Variants in CTNNA3 observed in about 807,000 individuals in gnomAD.
CTNNA3 encodes catenin alpha 3, also known as catenin alpha-3.
CTNNA3 carries 76 observed loss-of-function variants against 95.7 expected under a neutral mutation model. That is an observed-to-expected ratio of 0.79 (90% CI 0.66 to 0.96). CTNNA3 has a LOEUF of 0.96. Among genes scored for constraint, CTNNA3 ranks in the 40% least tolerant of loss-of-function variants. The probability of loss-of-function intolerance (pLI) is 0.00; values close to 1 mark genes in which losing one functional copy is unlikely to be tolerated. For synonymous variants in CTNNA3, 431 were observed against 374.4 expected (o/e 1.15, Z -1.74); for missense variants, 1,191 against 1,089.8 (o/e 1.09, Z -1.31).
chr10:67,735,127 G>GCGCACA (rs1554880032), intron 1 of CTNNA3, among the ~76,000 whole-genome samples: 2 of 108,356 alleles, frequency 1.8e-5, no homozygotes, highest in African/African-American at 9.5e-5. Context: ...CAGCAAGTGA[G>GCGCACA]CACACACACA....
intron 11 of CTNNA3, among the ~76,000 whole-genome samples, chr10:66,508,210 G>GTTTTTTTTTTTTTTTTTT (rs756807793): frequency 1.3e-4 from 14 of 108,416 alleles, no homozygotes; most frequent in African/African-American, 5.0e-4. Context: ...TTTGTTTTCT[G>GTTTTTTTTTTTTTTTTTT]TTTTTTTTTT....
rs568524637 is a variant in CTNNA3, at chr10:67,168,696, C to A, written c.1047+11621G>T. ...CATTATACTGAAAGGGCAAAAGCTG[C>A]AAGCATTCCCCCTTGAAAACTGGCA... On this transcript the variant is annotated intron_variant, in intron 7 of 17. Transcript: ENST00000433211. Among the ~76,000 whole-genome samples, 4 of 152,288 alleles carry A rather than the reference C, an allele frequency of 2.6e-5. No homozygotes were observed. The South Asian group carries it at 8.3e-4, about 32-fold the overall frequency.
At chr10:66,690,255 A>G (rs906592386) in intron 9 of CTNNA3, among the ~76,000 whole-genome samples, 3 of 152,146 alleles carry the variant, frequency 2.0e-5, no homozygotes, top group African/African-American at 7.2e-5. Flanking sequence ...ATTCTAATAT[A>G]ATTTTATTTA....
intron 7 of CTNNA3, among the ~76,000 whole-genome samples, chr10:66,961,361 C>T (rs1190260547): frequency 1.3e-5 from 2 of 152,274 alleles, no homozygotes; most frequent in East Asian, 1.9e-4. Flanking sequence ...AAAGTCAGTT[C>T]TCCATCCTCC....
intron 15 of CTNNA3, among the ~76,000 whole-genome samples, chr10:66,014,770 G>A (rs532539825): frequency 5.3e-4 from 80 of 152,228 alleles, no homozygotes; most frequent in African/African-American, 1.9e-3. Flanking sequence ...TTGGCTAGGG[G>A]CTACTGCATG....
intron 5 of CTNNA3, chr10:67,346,745 T>C: frequency 4.0e-6 from 2 of 504,418 alleles, no homozygotes; most frequent in Non-Finnish European, 7.9e-6. Flanking sequence ...CTATCTAATG[T>C]CAGGTCTCCT....
chr10:66,389,230 A>G (rs2092917100), intron 11 of CTNNA3, among the ~76,000 whole-genome samples: 1 of 152,160 alleles, frequency 6.6e-6, no homozygotes, highest in East Asian at 1.9e-4. Context: ...TTTCTGAAGT[A>G]GATGCACTTG....
At chr10:66,548,733 G>T (rs1282749571) in intron 10 of CTNNA3, among the ~76,000 whole-genome samples, 2 of 151,936 alleles carry the variant, frequency 1.3e-5, no homozygotes, top group Non-Finnish European at 2.9e-5. Flanking sequence ...TACAACAATT[G>T]ATTTTTGAGT....
chr10:66,464,181 G>C (rs1838801869), intron 11 of CTNNA3, among the ~76,000 whole-genome samples: 1 of 152,010 alleles, frequency 6.6e-6, no homozygotes, highest in South Asian at 2.1e-4. Context: ...TTTTTCCAAT[G>C]AACATGTATT....
intron 11 of CTNNA3, among the ~76,000 whole-genome samples, chr10:66,387,347 CTCG>C (rs1259053623): frequency 1.3e-5 from 2 of 152,110 alleles, no homozygotes; most frequent in Non-Finnish European, 2.9e-5. Context: ...TGAAAAAATG[CTCG>C]TCATTACTGG....
rs1848488768 is a variant in CTNNA3 at position 66,950,541 on chromosome 10, A to G, written c.1048-175017T>C. Among the ~76,000 whole-genome samples, 6 of 152,050 alleles carry G rather than the reference A, an allele frequency of 3.9e-5. No individual in the cohort carries two copies. In the South Asian group the frequency reaches 1.2e-3, roughly 31 times the overall value. ...CCCTATCTTTGTCAAAATATGTATG[A>G]TATTTGAGATTTAGTTCATATCATA... On this transcript the variant is annotated intron_variant, in intron 7 of 17. Transcript: ENST00000433211.
chr10:66,129,208 G>A (rs1432273143), intron 13 of CTNNA3, among the ~76,000 whole-genome samples: 2 of 152,316 alleles, frequency 1.3e-5, no homozygotes, highest in South Asian at 2.1e-4. Context: ...AGGTTGCAGT[G>A]AGCCGAGATT....
At chr10:67,296,258 C>A (rs1468693734) in intron 5 of CTNNA3, among the ~76,000 whole-genome samples, 2 of 152,160 alleles carry the variant, frequency 1.3e-5, no homozygotes, top group African/African-American at 4.8e-5. Flanking sequence ...AGTACAGCAT[C>A]ATAGCCTAAC....
chr10:66,698,444 G>A (rs1408378659), intron 9 of CTNNA3, among the ~76,000 whole-genome samples: 2 of 152,044 alleles, frequency 1.3e-5, no homozygotes, highest in Non-Finnish European at 2.9e-5. Flanking sequence ...ATACCTGCAG[G>A]TGGTATCAGA....
At chr10:67,668,915 T>G (rs2133545838) in intron 1 of CTNNA3, among the ~76,000 whole-genome samples, 1 of 145,432 alleles carries the variant, frequency 6.9e-6, no homozygotes, top group Admixed American at 7.1e-5. Flanking sequence ...CTCGGCTTAC[T>G]GCAACCTCCG....
chr10:67,436,692 T>C (rs1846313980), intron 5 of CTNNA3, among the ~76,000 whole-genome samples: 2 of 152,000 alleles, frequency 1.3e-5, no homozygotes, highest in Non-Finnish European at 2.9e-5. Flanking sequence ...CAAAAGAAGA[T>C]ACACAGATGG....
intron 14 of CTNNA3, among the ~76,000 whole-genome samples, chr10:66,083,314 A>G (rs2080840978): frequency 6.6e-6 from 1 of 152,170 alleles, no homozygotes. Context: ...TGATGTCTCA[A>G]TAAAATATTC....
At chr10:66,695,747 T>C (rs61866029) in intron 9 of CTNNA3, among the ~76,000 whole-genome samples, 57,056 of 151,880 alleles carry the variant, frequency 0.38, 11,140 homozygotes, top group Non-Finnish European at 0.41. Flanking sequence ...CATCTGACCT[T>C]AGAAGCTAGA....
At chr10:67,675,385 G>A (rs890650917) in intron 1 of CTNNA3, among the ~76,000 whole-genome samples, 1 of 152,090 alleles carries the variant, frequency 6.6e-6, no homozygotes, top group African/African-American at 2.4e-5. Flanking sequence ...GAATGGACCT[G>A]GCTTAGCTTG....
Sources: gnomAD v4.1 joint callset for allele counts (sites outside exome capture counted in the v4.1 genomes callset) on GRCh38, gnomAD v4.1.1 for gene constraint, MANE v1.5 for transcripts, NCBI Gene and HGNC (gene_info 2026-07-23, HGNC 2026-07-21) for gene names.